Variants in TMEM232 observed in about 807,000 individuals in gnomAD.
TMEM232 encodes the protein transmembrane protein 232.
TMEM232 carries 80 observed loss-of-function variants against 78.8 expected under a neutral mutation model. The observed-to-expected ratio is 1.01, with a 90% CI of 0.85 to 1.22. The LOEUF is 1.22. Among genes scored for constraint, TMEM232 ranks in the 50% most tolerant of loss-of-function variants. The pLI, the probability that TMEM232 is intolerant of heterozygous loss-of-function variation, is 0.00. For missense variants in TMEM232, 881 were observed against 742.2 expected, an observed-to-expected ratio of 1.19 and a Z score of -2.17; for synonymous variants, 297 against 254.3, an observed-to-expected ratio of 1.17 and a Z score of -1.60.
At chr5:110,462,338 G>A (rs1464976136) in intron 12 of TMEM232, among the ~76,000 whole-genome samples, 1 of 152,174 alleles carries the variant, frequency 6.6e-6, no homozygotes, top group Non-Finnish European at 1.5e-5. Context: ...CTGTTCCTGA[G>A]TGTGTCTATG....
intron 12 of TMEM232, among the ~76,000 whole-genome samples, chr5:110,467,485 T>C (rs527487573): frequency 3.5e-4 from 54 of 152,298 alleles, no homozygotes; most frequent in African/African-American, 1.2e-3. Context: ...GGGCAGCTAA[T>C]ACACTAACAG....
chr5:110,465,422 A>C (rs1368855015), intron 12 of TMEM232, among the ~76,000 whole-genome samples: 1 of 152,196 alleles, frequency 6.6e-6, no homozygotes, highest in Non-Finnish European at 1.5e-5. Context: ...TCACCTTACC[A>C]GCCCTGAACT....
At chr5:110,691,601 T>C (rs1794127254) in intron 1 of TMEM232, among the ~76,000 whole-genome samples, 1 of 152,222 alleles carries the variant, frequency 6.6e-6, no homozygotes, top group Non-Finnish European at 1.5e-5. Context: ...TGAACTCTCC[T>C]CTGCAGGGCT....
intron 12 of TMEM232, among the ~76,000 whole-genome samples, chr5:110,428,645 CT>C (rs1275462209): frequency 0.02 from 2,920 of 143,844 alleles, 72 homozygotes; most frequent in African/African-American, 0.064. Context: ...ATCCTCCTGT[CT>C]TTTTTTTTTT....
At chr5:110,544,109 T>C (rs1032128510) in intron 11 of TMEM232, among the ~76,000 whole-genome samples, 1 of 152,192 alleles carries the variant, frequency 6.6e-6, no homozygotes, top group Non-Finnish European at 1.5e-5. Flanking sequence ...ATTTTAATTA[T>C]GTGTTCTTAA....
At chr5:110,691,010 A>T (rs1215381977) in intron 1 of TMEM232, among the ~76,000 whole-genome samples, 1 of 152,072 alleles carries the variant, frequency 6.6e-6, no homozygotes, top group East Asian at 1.9e-4. Context: ...CAATAGGAGA[A>T]ATACCTAAGT....
intron 2 of TMEM232, among the ~76,000 whole-genome samples, chr5:110,412,514 A>G (rs76985133): frequency 6.6e-6 from 1 of 152,306 alleles, no homozygotes; most frequent in East Asian, 1.9e-4. Context: ...TGTGACTTAA[A>G]AAAAATCAAC....
At chr5:110,696,896 C>T (rs1379564754) in intron 1 of TMEM232, among the ~76,000 whole-genome samples, 1 of 152,074 alleles carries the variant, frequency 6.6e-6, no homozygotes, top group East Asian at 1.9e-4. Context: ...AGATTCAATG[C>T]CATCCCCATC....
chr5:110,534,086 A>C (rs1771956843), intron 11 of TMEM232, among the ~76,000 whole-genome samples: 1 of 152,196 alleles, frequency 6.6e-6, no homozygotes, highest in African/African-American at 2.4e-5. Flanking sequence ...CCAAGTCAGG[A>C]AACTAAAATA....
At chr5:110,711,982 G>C (rs1561553620) in intron 1 of TMEM232, among the ~76,000 whole-genome samples, 1 of 151,586 alleles carries the variant, frequency 6.6e-6, no homozygotes. Context: ...GGCACCTGTA[G>C]TCCCAGCTAC....
intron 2 of TMEM232, among the ~76,000 whole-genome samples, chr5:110,658,642 G>T (rs991883840): frequency 1.3e-5 from 2 of 152,106 alleles, no homozygotes; most frequent in Admixed American, 1.3e-4. Context: ...ATCTTTTCAA[G>T]GTTGTCTGTA....
chr5:110,692,041 C>A (rs1421705315), intron 1 of TMEM232, among the ~76,000 whole-genome samples: 1 of 152,164 alleles, frequency 6.6e-6, no homozygotes, highest in African/African-American at 2.4e-5. Flanking sequence ...TTGCCTCAGC[C>A]TCCTGAGTAG....
At chr5:110,497,986 G>A (rs1031872073) in intron 12 of TMEM232, among the ~76,000 whole-genome samples, 2 of 151,920 alleles carry the variant, frequency 1.3e-5, no homozygotes, top group Admixed American at 1.3e-4. Flanking sequence ...CAAAGTGGAG[G>A]GAATTATAAC....
At chr5:110,403,647 C>T (rs1755685866) in intron 2 of TMEM232, among the ~76,000 whole-genome samples, 1 of 152,026 alleles carries the variant, frequency 6.6e-6, no homozygotes, top group Admixed American at 6.6e-5. Context: ...ACAATAGAAA[C>T]ACATAGGGAT....
At chr5:110,452,220 G>T (rs1204193125) in intron 12 of TMEM232, among the ~76,000 whole-genome samples, 3 of 152,090 alleles carry the variant, frequency 2.0e-5, no homozygotes, top group Non-Finnish European at 2.9e-5. Flanking sequence ...ATAGTAAACA[G>T]ATAATAAAAT....
intron 7 of TMEM232, among the ~76,000 whole-genome samples, chr5:110,621,174 C>T (rs1190322883): frequency 1.3e-5 from 2 of 151,600 alleles, no homozygotes; most frequent in Admixed American, 6.6e-5. Flanking sequence ...ATCAAGCAAT[C>T]TTCAGCAAGA....
At chr5:110,723,495 C>T (rs1373784899) in intron 1 of TMEM232, among the ~76,000 whole-genome samples, 2 of 152,084 alleles carry the variant, frequency 1.3e-5, no homozygotes, top group African/African-American at 2.4e-5. Context: ...AGATTATTAT[C>T]CATGGGTACC....
intron 10 of TMEM232, among the ~76,000 whole-genome samples, chr5:110,593,482 A>G (rs1249599599): frequency 6.6e-6 from 1 of 152,190 alleles, no homozygotes; most frequent in African/African-American, 2.4e-5. Context: ...CTGTTGAGAG[A>G]CACTTGTAAA....
chr5:110,721,641 TGA>T (rs1274690913), intron 1 of TMEM232, among the ~76,000 whole-genome samples: 3 of 33,892 alleles, frequency 8.9e-5, no homozygotes, highest in Admixed American at 3.5e-4. Flanking sequence ...GTGAGATGTG[TGA>T]GTCTGCATAT....
Sources: allele counts gnomAD v4.1 joint callset (sites outside exome capture counted in the v4.1 genomes callset), GRCh38; gene constraint gnomAD v4.1.1; transcripts MANE v1.5; gene names NCBI Gene and HGNC (gene_info 2026-07-23, HGNC 2026-07-21).